MARF1: variants seen among roughly 807,000 people sequenced by gnomAD.
MARF1 encodes meiosis regulator and mRNA stability factor 1, also known as limkain-b1.
In MARF1, 24 loss-of-function variants were observed where a neutral mutation model predicts 168.2. The observed-to-expected ratio is 0.14, with a 90% CI of 0.10 to 0.20. MARF1 has a LOEUF of 0.20. MARF1 is among the 10% of genes least tolerant of loss of function. MARF1 has a pLI of 1.00. For missense variants in MARF1, 1,744 were observed against 2,143.6 expected, an observed-to-expected ratio of 0.81 and a Z score of 3.68; for synonymous variants, 868 against 822.4, an observed-to-expected ratio of 1.06 and a Z score of -0.95.
In MARF1 at chr16:15,636,166, A is replaced by C. The variant is rs780267989; in HGVS notation, c.321T>G (p.Asn107Lys). ...AACGCATTGGCGAAGTGGAGGGTTC[A>C]TTAGGGCAATGAGCACAGCAGCTTA... Reference protein sequence around the residue: ...PKVSCCAHCPNEPSTSPMRFG... With the variant: ...PKVSCCAHCPKEPSTSPMRFG... Residue 107 changes from asparagine (N) to lysine (K), a missense_variant, in exon 3 of 27, where the codon AAT becomes AAG. Physicochemically the swap from Asn to Lys is moderately conservative, Grantham distance 94. Coordinates refer to ENST00000396368, the MANE Select transcript of MARF1 (RefSeq NM_014647.4). The C allele has an allele frequency of 2.3e-5, 37 of 1,614,116 alleles. No homozygotes were observed. Among genetic ancestry groups the C allele is most frequent in the Non-Finnish European group, 2.7e-5 (32 of 1,180,032 alleles).
chr16:15,637,905 C>T (rs546931948), intron 2 of MARF1, among the ~76,000 whole-genome samples: 33 of 152,326 alleles, frequency 2.2e-4, no homozygotes, highest in Non-Finnish European at 3.7e-4. Flanking sequence ...CGGTGGCTCA[C>T]GCCTGTAATC....
intron 19 of MARF1, 138 bp downstream of exon 19, chr16:15,610,837 C>A: frequency 1.3e-6 from 1 of 775,500 alleles, no homozygotes; most frequent in South Asian, 1.8e-5. Flanking sequence ...ATCCAAAGAG[C>A]AGCAGTTTTC....
chr16:15,628,398 T>C (rs1233787405), intron 7 of MARF1, among the ~76,000 whole-genome samples: 3 of 152,132 alleles, frequency 2.0e-5, no homozygotes, highest in African/African-American at 4.8e-5. Flanking sequence ...TACCATACTA[T>C]TCTTTTCTTT....
Position 15,609,738 on chromosome 16 carries a change from C to A in MARF1, c.3752-13G>T, listed in dbSNP as rs369609026. On this transcript the variant is annotated splice_polypyrimidine_tract_variant and intron_variant, in intron 19 of 26. Transcript: ENST00000396368. ...TCCTGAGTGCGTTCTTTTAAAAAAA[C>A]CAAAAAACATAAAATCACAGTTTTT... is the stretch of plus-strand genomic sequence containing the variant. The A allele has an allele frequency of 4.8e-5, 77 of 1,608,502 alleles. No homozygotes were observed. In the African/African-American group the frequency reaches 5.8e-4, roughly 12 times the overall value.
At chr16:15,626,313 T>C (rs1405643991) in intron 7 of MARF1, among the ~76,000 whole-genome samples, 1 of 152,176 alleles carries the variant, frequency 6.6e-6, no homozygotes, top group African/African-American at 2.4e-5. Flanking sequence ...TATTCTAAAA[T>C]TGTACAACTC....
chr16:15,624,856 A>G lies in MARF1; in HGVS notation c.2183T>C (p.Phe728Ser). ...AAAAGCAGACGGGTAACTCACTTGG[A>G]ATACAGTCTCCTCTTTATCTTTTTT... ...VEKKDKEETV[F>S]QVSYPSAFSK... Residue 728 changes from phenylalanine to serine, a missense_variant, in exon 10 of 27, where the codon TTC (phenylalanine) becomes TCC (serine). By Grantham distance (155) the Phe-to-Ser change is radical. Coordinates refer to ENST00000396368, the MANE Select transcript of MARF1 (RefSeq NM_014647.4). 3.1e-6 allele frequency: 5 copies of G among 1,614,164 alleles called. No individual in the cohort carries two copies. The highest frequency in any genetic ancestry group is 4.2e-6 in the Non-Finnish European group (5 of 1,180,032).
At chr16:15,631,530 A>G in intron 5 of MARF1, 32 bp from the exon 6 acceptor site, 1 of 1,467,760 alleles carries the variant, frequency 6.8e-7, no homozygotes, top group Non-Finnish European at 9.5e-7. Context: ...GTGAATAAGC[A>G]GGAGCTGAGG....
At chr16:15,613,833 C>T (rs1385696586) in intron 16 of MARF1, among the ~76,000 whole-genome samples, 3 of 152,108 alleles carry the variant, frequency 2.0e-5, no homozygotes, top group South Asian at 2.1e-4. Context: ...TGAGTACACA[C>T]ATTCCTAAGA....
At chr16:15,622,721 T>G (rs2034553927) in intron 11 of MARF1, among the ~76,000 whole-genome samples, 1 of 152,184 alleles carries the variant, frequency 6.6e-6, no homozygotes, top group South Asian at 2.1e-4. Context: ...GACAAGAGCT[T>G]TTCACTGCTA....
At chr16:15,604,811 C>T (rs1026125246) in intron 21 of MARF1, among the ~76,000 whole-genome samples, 1 of 152,162 alleles carries the variant, frequency 6.6e-6, no homozygotes, top group Non-Finnish European at 1.5e-5. Flanking sequence ...CTAAGCAACA[C>T]TCACATGGCT....
rs558778102 is a variant in MARF1 at position 15,614,220 on chromosome 16, C to G, written c.3254-1443G>C. 8.6e-5 allele frequency among the ~76,000 whole-genome samples: 13 copies of G among 152,026 alleles called. No individual in the cohort carries two copies. In the East Asian group the frequency reaches 2.5e-3, roughly 29 times the overall value. On this transcript the variant is annotated intron_variant, in intron 16 of 26. Transcript: ENST00000396368. ...AGTTTCGGCCAGGTGCGGTGGCTCACGTCTGTAATCCCAGCATTTTGGGAG... is the reference window on the plus strand; with the variant it reads ...AGTTTCGGCCAGGTGCGGTGGCTCAGGTCTGTAATCCCAGCATTTTGGGAG...
chr16:15,636,391 T>G, intron 2 of MARF1, 49 bp from the exon 3 acceptor site: 2 of 1,438,918 alleles, frequency 1.4e-6, no homozygotes, highest in Non-Finnish European at 1.9e-6. Flanking sequence ...GGTCCGTGGT[T>G]TTTTGGTTAC....
intron 19 of MARF1, chr16:15,610,375 G>A (rs773916625): frequency 1.3e-5 from 2 of 152,818 alleles, no homozygotes; most frequent in Non-Finnish European, 2.9e-5. Flanking sequence ...CAAGGGATCG[G>A]GTCCAGGACC....
chr16:15,616,901 G>T, intron 15 of MARF1, 151 bp downstream of exon 15: 1 of 1,114,708 alleles, frequency 9.0e-7, no homozygotes, highest in Non-Finnish European at 1.3e-6. Context: ...TTGTTATGTG[G>T]TGCATGACTG....
At chr16:15,608,947 T>C (rs2033268926) in intron 20 of MARF1, among the ~76,000 whole-genome samples, 1 of 152,142 alleles carries the variant, frequency 6.6e-6, no homozygotes, top group Admixed American at 6.5e-5. Flanking sequence ...AAATATTCAG[T>C]GTAAGAAATC....
chr16:15,609,581 G>A lies in MARF1; in HGVS notation c.3896C>T (p.Ala1299Val), dbSNP rs1266929695. ...HHHFGRQCKL[A>V]YYGFTKLLEL... is the part of the protein sequence containing the mutation. Reference sequence around the variant, plus strand: ...AAGTAGTTTGGTAAACCCATAGTACGCAAGTTTGCACTGCCGGCCAAAGTG... The same window carrying A: ...AAGTAGTTTGGTAAACCCATAGTACACAAGTTTGCACTGCCGGCCAAAGTG... The change falls in exon 20 of 27, where the codon GCG becomes GTG. Residue 1299 changes from alanine to valine, a missense_variant. Around this residue, in one of 7 missense-constraint regions of MARF1, gnomAD observed 543 missense variants for 742.1 expected, o/e 0.73. Transcript: ENST00000396368. 5.0e-6 allele frequency: 8 copies of A among 1,613,964 alleles called. No individual in the cohort carries two copies. Among genetic ancestry groups the A allele is most frequent in the Admixed American group, 3.3e-5 (2 of 60,000 alleles).
Position 15,621,892 on chromosome 16 carries a change from C to T in MARF1, c.2480G>A (p.Ser827Asn). ...RHGKVKSVEL[S>N]PHTDYQLKAV... ...CTTGAGTTGATAATCTGTATGGGGGCTGAGCTCAACACTCTTCACCTACAA... is the reference window on the plus strand; with the variant it reads ...CTTGAGTTGATAATCTGTATGGGGGTTGAGCTCAACACTCTTCACCTACAA... Residue 827 changes from serine to asparagine, a missense_variant, in exon 12 of 27, where the codon AGC becomes AAC. Physicochemically the swap from Ser to Asn is conservative, Grantham distance 46. Transcript: ENST00000396368. 2 of 1,614,060 alleles carry T rather than the reference C, an allele frequency of 1.2e-6. No individual in the cohort carries two copies. The highest frequency in any genetic ancestry group is 1.7e-6 in the Non-Finnish European group (2 of 1,179,998).
At position 15,594,761 on chromosome 16, in the gene MARF1, T is replaced by C. The variant is rs541981811; in HGVS notation, c.*1932A>G. On this transcript the variant is annotated 3_prime_UTR_variant, in exon 27 of 27. Transcript: ENST00000396368. Reference sequence around the variant, plus strand: ...TGTGCTTCCGAAGTCTTCTCTCTCATTTTCAGACAGCAATTGTTAAGAGTC... The same window carrying C: ...TGTGCTTCCGAAGTCTTCTCTCTCACTTTCAGACAGCAATTGTTAAGAGTC... 6.5e-6 allele frequency: 1 copy of C among 152,766 alleles called. No homozygotes were observed. Among genetic ancestry groups the C allele is most frequent in the African/African-American group, 2.4e-5 (1 of 41,558 alleles). The allele number at this position is 152,766 out of a possible 1,614,324, so 9.5% of individuals were successfully genotyped here. A position where few individuals can be genotyped will look rare whatever the true frequency, so the allele number is the denominator to read the frequency against.
At chr16:15,626,050 G>GCT in intron 7 of MARF1, among the ~76,000 whole-genome samples, 1 of 152,166 alleles carries the variant, frequency 6.6e-6, no homozygotes, top group African/African-American at 2.4e-5. Context: ...AGGATTACCT[G>GCT]AGCCCAGGAA....
Sources: gnomAD v4.1 joint callset for allele counts (sites outside exome capture counted in the v4.1 genomes callset) on GRCh38, gnomAD v4.1.1 for gene constraint, gnomAD v4.1.1 regional missense constraint, MANE v1.5 for transcripts, NCBI Gene and HGNC (gene_info 2026-07-23, HGNC 2026-07-21) for gene names.